UBE3D: variants seen among roughly 807,000 people sequenced by gnomAD.
UBE3D encodes ubiquitin protein ligase E3D.
UBE3D carries 48 observed loss-of-function variants against 49.6 expected under a neutral mutation model. That is an observed-to-expected ratio of 0.97 (90% CI 0.77 to 1.23). UBE3D has a LOEUF of 1.23. UBE3D is among the 50% of genes most tolerant of loss of function. The probability of loss-of-function intolerance (pLI) is 0.00; values close to 1 mark genes in which losing one functional copy is unlikely to be tolerated. For missense variants in UBE3D, 452 were observed against 468.4 expected (o/e 0.96, Z 0.32); for synonymous variants, 189 against 174.2 (o/e 1.08, Z -0.67).
intron 5 of UBE3D, among the ~76,000 whole-genome samples, chr6:83,034,272 G>A (rs1438208119): frequency 1.3e-5 from 2 of 151,908 alleles, no homozygotes; most frequent in Non-Finnish European, 2.9e-5. Flanking sequence ...ATATACTTTT[G>A]TATCATACTA....
At chr6:82,960,273 C>T (rs1280615025) in intron 8 of UBE3D, among the ~76,000 whole-genome samples, 2 of 152,132 alleles carry the variant, frequency 1.3e-5, no homozygotes, top group African/African-American at 4.8e-5. Context: ...TTTGCTTTTA[C>T]TCATTACATA....
chr6:83,026,131 T>C (rs907431003), intron 5 of UBE3D, among the ~76,000 whole-genome samples: 2 of 151,890 alleles, frequency 1.3e-5, no homozygotes, highest in Non-Finnish European at 2.9e-5. Context: ...CCAGAAATAA[T>C]TAAAAATGAG....
chr6:82,965,943 T>C (rs1374789636), intron 8 of UBE3D, among the ~76,000 whole-genome samples: 1 of 152,200 alleles, frequency 6.6e-6, no homozygotes, highest in Non-Finnish European at 1.5e-5. Context: ...AATAATTCAG[T>C]ATGTATCTTT....
At chr6:82,889,454 C>T (rs535306797), downstream of UBE3D, among the ~76,000 whole-genome samples, 4 of 152,130 alleles carry the variant, frequency 2.6e-5, no homozygotes, top group African/African-American at 9.7e-5. Flanking sequence ...TTGCTAATAT[C>T]GGTGGATCCT....
chr6:83,033,549 G>C (rs992454645), intron 5 of UBE3D, among the ~76,000 whole-genome samples: 1 of 152,064 alleles, frequency 6.6e-6, no homozygotes, highest in African/African-American at 2.4e-5. Flanking sequence ...TCATGATGGT[G>C]AGTGAGTGAC....
chr6:82,911,753 G>A (rs944264405), intron 9 of UBE3D, among the ~76,000 whole-genome samples: 2 of 152,150 alleles, frequency 1.3e-5, no homozygotes, highest in African/African-American at 4.8e-5. Flanking sequence ...AGAAAAAGGG[G>A]ATGTACAGGA....
chr6:83,061,341 G>C (rs1784156817), intron 1 of UBE3D, among the ~76,000 whole-genome samples: 1 of 152,180 alleles, frequency 6.6e-6, no homozygotes, highest in African/African-American at 2.4e-5. Context: ...TGTTATTAGG[G>C]ATATTATGTA....
In UBE3D at chr6:82,893,055, G is replaced by A. The variant is rs567386477; in HGVS notation, c.1150-13C>T. The stretch of plus-strand genomic sequence containing the variant: ...TCAAAAAGGCCACCTGGAGAAGGAA[G>A]AAAAACCCACAATGCTTTACTTCTA... On this transcript the variant is annotated splice_polypyrimidine_tract_variant and intron_variant, in intron 9 of 9. Coordinates refer to ENST00000369747, the MANE Select transcript of UBE3D (RefSeq NM_198920.3). 5 of 1,613,332 alleles carry A rather than the reference G, an allele frequency of 3.1e-6. No homozygotes were observed. In the African/African-American group the frequency reaches 6.7e-5, roughly 22 times the overall value.
At chr6:82,907,345 C>T (rs182701573) in intron 9 of UBE3D, among the ~76,000 whole-genome samples, 19 of 152,282 alleles carry the variant, frequency 1.2e-4, no homozygotes, top group Admixed American at 1.2e-3. Context: ...GGAAAATACT[C>T]TCTAAACTCA....
At chr6:83,027,785 G>A (rs916963291) in intron 5 of UBE3D, among the ~76,000 whole-genome samples, 1 of 152,080 alleles carries the variant, frequency 6.6e-6, no homozygotes, top group Non-Finnish European at 1.5e-5. Context: ...AATTCACTGG[G>A]TCCCTTGAAT....
At chr6:82,886,126 T>G in the UBE3D span, among the ~76,000 whole-genome samples, 1 of 152,170 alleles carries the variant, frequency 6.6e-6, no homozygotes, top group South Asian at 2.1e-4. Flanking sequence ...CCGGAACACT[T>G]TATGTCTGTG....
chr6:82,946,348 G>T (rs1728385522), intron 9 of UBE3D, among the ~76,000 whole-genome samples: 1 of 151,952 alleles, frequency 6.6e-6, no homozygotes, highest in African/African-American at 2.4e-5. Flanking sequence ...GGAGAGAGTG[G>T]CATGACCTAT....
At chr6:82,900,858 T>G (rs1459942373) in intron 9 of UBE3D, among the ~76,000 whole-genome samples, 1 of 152,172 alleles carries the variant, frequency 6.6e-6, no homozygotes, top group Non-Finnish European at 1.5e-5. Flanking sequence ...CCTGGACAAT[T>G]TTATTTCACA....
intron 8 of UBE3D, among the ~76,000 whole-genome samples, chr6:83,009,211 G>A (rs1029494097): frequency 6.6e-5 from 10 of 152,160 alleles, no homozygotes; most frequent in Middle Eastern, 3.4e-3. Context: ...AAGACAAACT[G>A]GTACATCCAT....
At chr6:82,999,394 T>C (rs1779465793) in intron 8 of UBE3D, among the ~76,000 whole-genome samples, 1 of 152,076 alleles carries the variant, frequency 6.6e-6, no homozygotes, top group South Asian at 2.1e-4. Context: ...CTGTTGGCTT[T>C]TATATTTTTT....
At chr6:82,944,199 C>A (rs183373206) in intron 9 of UBE3D, among the ~76,000 whole-genome samples, 153 of 152,278 alleles carry the variant, frequency 1.0e-3, no homozygotes, top group Non-Finnish European at 1.5e-4. Flanking sequence ...AAAAGAGACC[C>A]CTTCCTTTCA....
intron 3 of UBE3D, among the ~76,000 whole-genome samples, chr6:83,051,015 A>G (rs1300428441): frequency 6.6e-6 from 1 of 152,234 alleles, no homozygotes; most frequent in African/African-American, 2.4e-5. Flanking sequence ...GTCTTGAAAC[A>G]AAAAGGTTTG....
chr6:82,940,888 T>C (rs1378211514), intron 9 of UBE3D, among the ~76,000 whole-genome samples: 5 of 152,192 alleles, frequency 3.3e-5, no homozygotes, highest in African/African-American at 1.2e-4. Context: ...TGTGTGCGTG[T>C]ATAAGCAGAT....
chr6:82,942,250 CCT>C (rs1775069570), intron 9 of UBE3D, among the ~76,000 whole-genome samples: 4 of 152,082 alleles, frequency 2.6e-5, no homozygotes, highest in African/African-American at 7.2e-5. Flanking sequence ...GCATTTTGCC[CCT>C]GTCCTAGAGA....
Sources: allele counts gnomAD v4.1 joint callset (sites outside exome capture counted in the v4.1 genomes callset), GRCh38; gene constraint gnomAD v4.1.1; transcripts MANE v1.5; gene names NCBI Gene and HGNC (gene_info 2026-07-23, HGNC 2026-07-21).